Variants in GUCY2C observed in about 807,000 individuals in gnomAD.
GUCY2C encodes guanylyl cyclase C.
A neutral mutation model predicts 131.1 loss-of-function variants in GUCY2C; 118 were observed. That is an observed-to-expected ratio of 0.90 (90% CI 0.78 to 1.05). GUCY2C has a LOEUF of 1.05. Ranked by LOEUF, GUCY2C falls within the 50% of genes least tolerant of loss-of-function variation. GUCY2C has a pLI of 0.00. For missense variants in GUCY2C, 1,161 were observed against 1,304.4 expected (o/e 0.89, Z 1.69); for synonymous variants, 452 against 457.8 (o/e 0.99, Z 0.16).
intron 10 of GUCY2C, among the ~76,000 whole-genome samples, chr12:14,664,356 C>T (rs1442822343): frequency 6.6e-6 from 1 of 151,950 alleles, no homozygotes; most frequent in East Asian, 1.9e-4. Context: ...TAGATAATCC[C>T]ACTCACTGGT....
In GUCY2C at chr12:14,696,335, G is replaced by A. The variant is rs367797255; in HGVS notation, c.114C>T (p.Ser38=). The A allele has an allele frequency of 9.7e-5, 157 of 1,613,982 alleles. No homozygotes were observed. In the South Asian group the frequency reaches 1.1e-3, roughly 11 times the overall value. The change falls in exon 1 of 27, where the codon AGC becomes AGT. Residue 38 remains serine (S), a synonymous_variant. Transcript: ENST00000261170. The part of the protein sequence containing the change: ...QNCHNGSYEI[S]VLMMGNSAFA... Reference sequence around the variant, plus strand: ...AGGCTGAGTTGCCCATCATCAGGACGCTGATTTCATAGCTGCCATTGTGGC... The same window carrying A: ...AGGCTGAGTTGCCCATCATCAGGACACTGATTTCATAGCTGCCATTGTGGC...
In GUCY2C at chr12:14,621,154, C is replaced by A. The variant is rs764812743; in HGVS notation, c.2664G>T (p.Arg888=). ...CCATCTTGGCAATGTCTATTGCATG[C>A]CGATTGCCATTTCTCTTAGGCAAAC... is the stretch of plus-strand genomic sequence containing the variant. ...ASGLPKRNGN[R]HAIDIAKMAL... Residue 888 remains arginine, a synonymous_variant, in exon 23 of 27, where the codon CGG becomes CGT. Coordinates refer to ENST00000261170, the MANE Select transcript of GUCY2C (RefSeq NM_004963.4). The A allele has an allele frequency of 6.2e-7, 1 of 1,613,010 alleles. No individual in the cohort carries two copies. The highest frequency in any genetic ancestry group is 1.3e-5 in the African/African-American group (1 of 74,996).
At chr12:14,624,003 G>A (rs1367306777) in intron 21 of GUCY2C, among the ~76,000 whole-genome samples, 1 of 152,168 alleles carries the variant, frequency 6.6e-6, no homozygotes, top group African/African-American at 2.4e-5. Flanking sequence ...TTGGAAAATA[G>A]TGTGTTATCC....
At chr12:14,638,880 A>C (rs1047265810) in intron 19 of GUCY2C, among the ~76,000 whole-genome samples, 30 of 152,358 alleles carry the variant, frequency 2.0e-4, no homozygotes, top group South Asian at 1.0e-3. Flanking sequence ...CAACACATAG[A>C]AATGATAACT....
Position 14,696,542 on chromosome 12 carries a change from A to G in GUCY2C, c.-94T>C. 1 of 891,268 alleles carries G rather than the reference A, an allele frequency of 1.1e-6. No individual in the cohort carries two copies. Among genetic ancestry groups the G allele is most frequent in the South Asian group, 1.5e-5 (1 of 67,796 alleles). 55.2% of individuals were successfully genotyped at this position (891,268 alleles called of 1,614,324 possible). A position where few individuals can be genotyped will look rare whatever the true frequency, so the allele number is the denominator to read the frequency against. Reference sequence around the variant, plus strand: ...CAGGGAATCCAGATGGACAGCCTCTAGTGGAGTCCCTCAGCCCACTCTTCC... The same window carrying G: ...CAGGGAATCCAGATGGACAGCCTCTGGTGGAGTCCCTCAGCCCACTCTTCC... On this transcript the variant is annotated 5_prime_UTR_variant, in exon 1 of 27. An upstream open reading frame in the 5' UTR loses its in-frame stop. Coordinates refer to ENST00000261170, the MANE Select transcript of GUCY2C (RefSeq NM_004963.4).
intron 11 of GUCY2C, among the ~76,000 whole-genome samples, chr12:14,658,669 C>T (rs1947807344): frequency 6.6e-6 from 1 of 151,820 alleles, no homozygotes; most frequent in Admixed American, 6.6e-5. Context: ...GAGTGAGACT[C>T]GGTCTCAAAA....
intron 3 of GUCY2C, among the ~76,000 whole-genome samples, chr12:14,683,560 G>C (rs913938405): frequency 8.5e-5 from 13 of 152,152 alleles, no homozygotes; most frequent in African/African-American, 3.1e-4. Context: ...GGGAAGTCGG[G>C]CTAAGAAAAA....
intron 10 of GUCY2C, among the ~76,000 whole-genome samples, chr12:14,664,792 G>C (rs1465018039): frequency 1.3e-5 from 2 of 152,192 alleles, no homozygotes; most frequent in Non-Finnish European, 2.9e-5. Flanking sequence ...GAAATTAACA[G>C]AGTATAGATG....
At chr12:14,663,661 C>A (rs762599354) in intron 10 of GUCY2C, among the ~76,000 whole-genome samples, 14 of 152,198 alleles carry the variant, frequency 9.2e-5, no homozygotes, top group Non-Finnish European at 7.3e-5. Flanking sequence ...TTTATGAAAG[C>A]AGAATCCTAA....
Position 14,622,131 on chromosome 12 carries a change from G to A in GUCY2C, c.2475C>T (p.Ile825=). 6.2e-7 allele frequency: 1 copy of A among 1,605,282 alleles called. No homozygotes were observed. The highest frequency in any genetic ancestry group is 8.5e-7 in the Non-Finnish European group (1 of 1,175,680). Residue 825 remains isoleucine, a synonymous_variant, in exon 22 of 27, where the codon ATC becomes ATT. Transcript: ENST00000261170. ...TGAAACCTACAATGTCACTGAAGTAGATTGTAACTTCCTCATATAGTTCCG... is the reference window on the plus strand; with the variant it reads ...TGAAACCTACAATGTCACTGAAGTAAATTGTAACTTCCTCATATAGTTCCG... ...VEPELYEEVT[I]YFSDIVGFTT...
rs766818283 is a variant in GUCY2C at position 14,652,952 on chromosome 12, CT to C, written c.1532del (p.Lys511SerfsTer3). ...QRLRQCKYDK[K>X]RVILKDLKHN... is the part of the protein sequence containing the mutation. ...AGTTCAGAGAAGTGGGAGAGGTCAC[CT>C]TTTTGTCGTATTTGCACTGTCGTAG... On this transcript the variant is annotated frameshift_variant and splice_region_variant, in exon 13 of 27. Coordinates refer to ENST00000261170, the MANE Select transcript of GUCY2C (RefSeq NM_004963.4). LOFTEE classifies it high-confidence loss of function. 9.4e-6 allele frequency: 15 copies of C among 1,602,906 alleles called. No homozygotes were observed. The African/African-American group carries it at 1.9e-4, about 20-fold the overall frequency.
intron 16 of GUCY2C, among the ~76,000 whole-genome samples, chr12:14,644,038 G>T (rs746607712): frequency 6.6e-6 from 1 of 152,096 alleles, no homozygotes; most frequent in Non-Finnish European, 1.5e-5. Flanking sequence ...ACCCTGGGTA[G>T]GTCTCTGGTC....
In GUCY2C at chr12:14,643,611, A is replaced by G. The variant is rs762446939; in HGVS notation, c.1893T>C (p.Thr631=). The part of the protein sequence containing the change: ...VVDSRMVVKI[T]DFGCNSILPP... ...GTAAAATGGAATTGCAGCCAAAATC[A>G]GTGATCTTCACCACCATTCTACTGT... Residue 631 remains threonine (T), a synonymous_variant, in exon 17 of 27, where the codon ACT becomes ACC. Coordinates refer to ENST00000261170, the MANE Select transcript of GUCY2C (RefSeq NM_004963.4). 3 of 1,613,874 alleles carry G rather than the reference A, an allele frequency of 1.9e-6. No individual in the cohort carries two copies. Among genetic ancestry groups the G allele is most frequent in the Non-Finnish European group, 2.5e-6 (3 of 1,179,732 alleles).
intron 14 of GUCY2C, among the ~76,000 whole-genome samples, chr12:14,651,725 A>G (rs945686259): frequency 1.3e-5 from 2 of 152,320 alleles, no homozygotes; most frequent in African/African-American, 2.4e-5. Context: ...TATAAACTTT[A>G]CTTTCAAATA....
intron 10 of GUCY2C, among the ~76,000 whole-genome samples, chr12:14,666,797 T>A (rs1347461053): frequency 2.0e-5 from 3 of 151,922 alleles, no homozygotes; most frequent in African/African-American, 7.2e-5. Context: ...TCCTGTACCC[T>A]CGCTACCTGC....
At chr12:14,616,749 T>A in intron 24 of GUCY2C, 22 bp from the exon 25 acceptor site, 1 of 1,418,028 alleles carries the variant, frequency 7.1e-7, no homozygotes, top group Admixed American at 1.7e-5. Context: ...AATTGACAAA[T>A]AAAAATCCCA....
rs750234152 is a variant in GUCY2C, at chr12:14,643,648, T to C, written c.1856A>G (p.Asn619Ser). ...TEVHGRLKST[N>S]CVVDSRMVVK... ...CACCATTCTACTGTCCACTACGCAG[T>C]TGGTAGATTTCAGACGACCATGGAC... Residue 619 changes from asparagine to serine, a missense_variant, in exon 17 of 27, where the codon AAC becomes AGC. Coordinates refer to ENST00000261170, the MANE Select transcript of GUCY2C (RefSeq NM_004963.4). The C allele has an allele frequency of 1.9e-6, 3 of 1,613,138 alleles. No homozygotes were observed. Among genetic ancestry groups the C allele is most frequent in the Non-Finnish European group, 2.5e-6 (3 of 1,179,128 alleles).
chr12:14,670,225 G>C (rs1008875114), intron 9 of GUCY2C, among the ~76,000 whole-genome samples: 2 of 152,082 alleles, frequency 1.3e-5, no homozygotes, highest in African/African-American at 4.8e-5. Context: ...ATATTAAGTT[G>C]CTTTTGAAAA....
In GUCY2C at chr12:14,683,235, G is replaced by A. The variant is rs1351978961; in HGVS notation, c.418C>T (p.Pro140Ser). Residue 140 changes from proline (P) to serine (S), a missense_variant, in exon 4 of 27, where the codon CCC (proline) becomes TCC (serine). Transcript: ENST00000261170. ...QMYLDTELSY[P>S]MISAGSFGLS... ...CCAAAACTTCCAGCTGAGATCATGG[G>A]GTAGCTCAATTCTGTGTCAAGGCTA... The A allele has an allele frequency of 1.2e-6, 2 of 1,612,898 alleles. No homozygotes were observed. Among genetic ancestry groups the A allele is most frequent in the Non-Finnish European group, 1.7e-6 (2 of 1,179,050 alleles).
Sources: gnomAD v4.1 joint callset for allele counts (sites outside exome capture counted in the v4.1 genomes callset) on GRCh38, gnomAD v4.1.1 for gene constraint, MANE v1.5 for transcripts, NCBI Gene and HGNC (gene_info 2026-07-23, HGNC 2026-07-21) for gene names.